The following RUNX1T1 variants were observed in gnomAD, a reference collection of about 807,000 sequenced individuals.
RUNX1T1 encodes protein CBFA2T1.
Under a neutral mutation model 62.8 loss-of-function variants are expected in RUNX1T1, and 4 were observed. The observed-to-expected ratio is 0.06, with a 90% CI of 0.03 to 0.15. The LOEUF is 0.15. RUNX1T1 is among the 10% of genes least tolerant of loss of function. The probability of loss-of-function intolerance (pLI) is 1.00; values close to 1 mark genes in which losing one functional copy is unlikely to be tolerated. For synonymous variants in RUNX1T1, 291 were observed against 286.0 expected (o/e 1.02, Z -0.18); for missense variants, 508 against 754.3 (o/e 0.67, Z 3.82).
intron 1 of RUNX1T1, among the ~76,000 whole-genome samples, chr8:92,024,497 CAA>C (rs34547904): frequency 2.3e-4 from 4 of 17,532 alleles, no homozygotes; most frequent in Non-Finnish European, 3.4e-4. Context: ...AACCCCAACT[CAA>C]AAAAAAAAAA....
At chr8:92,019,653 A>C (rs1210341186) in intron 1 of RUNX1T1, among the ~76,000 whole-genome samples, 2 of 152,070 alleles carry the variant, frequency 1.3e-5, no homozygotes, top group Non-Finnish European at 1.5e-5. Context: ...TTTGAAGGCT[A>C]TTTTTCTTTC....
At chr8:92,090,337 G>C (rs1836797465) in intron 1 of RUNX1T1, among the ~76,000 whole-genome samples, 2 of 152,044 alleles carry the variant, frequency 1.3e-5, no homozygotes, top group African/African-American at 4.8e-5. Context: ...ACTGGGAAAT[G>C]CTGAGATCAA....
chr8:92,045,518 G>C (rs1248333224), intron 1 of RUNX1T1, among the ~76,000 whole-genome samples: 2 of 152,078 alleles, frequency 1.3e-5, no homozygotes, highest in Non-Finnish European at 2.9e-5. Flanking sequence ...AATTACGCAG[G>C]CTCAAAATTC....
intron 2 of RUNX1T1, among the ~76,000 whole-genome samples, chr8:92,015,827 T>C (rs1822879090): frequency 6.6e-6 from 1 of 152,226 alleles, no homozygotes; most frequent in South Asian, 2.1e-4. Flanking sequence ...TTGTCACAAC[T>C]GAGTATCATA....
exon 11 of RUNX1T1, chr8:91,959,514 A>C (rs1810007391): frequency 5.3e-6 from 1 of 187,650 alleles, no homozygotes; most frequent in Non-Finnish European, 1.1e-5. Flanking sequence ...ATATATATAT[A>C]TGGAGCCTTT....
intron 4 of RUNX1T1, 104 bp from the exon 6 acceptor site, chr8:92,005,401 A>G: frequency 1.0e-6 from 1 of 975,252 alleles, no homozygotes; most frequent in Non-Finnish European, 1.5e-6. Flanking sequence ...CAATGCAGCT[A>G]CATCAAAGGT....
At chr8:91,974,624 G>A (rs1285955909) in intron 9 of RUNX1T1, among the ~76,000 whole-genome samples, 2 of 152,082 alleles carry the variant, frequency 1.3e-5, no homozygotes, top group Non-Finnish European at 2.9e-5. Flanking sequence ...GTCTTTTCAG[G>A]TAGGTGGTAC....
At chr8:92,021,702 GA>G (rs1253706917) in intron 1 of RUNX1T1, among the ~76,000 whole-genome samples, 2 of 152,022 alleles carry the variant, frequency 1.3e-5, no homozygotes, top group Non-Finnish European at 2.9e-5. Context: ...GGAATGTGGT[GA>G]AATTGAATGA....
intron 1 of RUNX1T1, among the ~76,000 whole-genome samples, chr8:92,050,564 C>T (rs1385668053): frequency 3.3e-5 from 5 of 152,276 alleles, no homozygotes; most frequent in African/African-American, 1.2e-4. Flanking sequence ...GAAACATACG[C>T]TAAATAACTG....
At chr8:92,081,529 T>C (rs1034220095) in intron 1 of RUNX1T1, among the ~76,000 whole-genome samples, 1 of 151,352 alleles carries the variant, frequency 6.6e-6, no homozygotes, top group Non-Finnish European at 1.5e-5. Flanking sequence ...TAAACTGATG[T>C]TTGGTAGTTT....
chr8:92,041,353 G>T (rs13251018), intron 1 of RUNX1T1, among the ~76,000 whole-genome samples: 37,947 of 152,102 alleles, frequency 0.25, 5,208 homozygotes, highest in African/African-American at 0.37. Flanking sequence ...CACAAAGGCC[G>T]GGGCTTTGTT....
At chr8:92,035,214 G>A (rs1441391112) in intron 1 of RUNX1T1, among the ~76,000 whole-genome samples, 1 of 151,498 alleles carries the variant, frequency 6.6e-6, no homozygotes, top group Non-Finnish European at 1.5e-5. Flanking sequence ...AGAATCGCTT[G>A]AACCCGGGAA....
At chr8:91,970,538 C>A in intron 10 of RUNX1T1, 120 bp downstream of exon 11, 1 of 881,076 alleles carries the variant, frequency 1.1e-6, no homozygotes, top group Non-Finnish European at 1.6e-6. Flanking sequence ...CTTGACTTTC[C>A]CCACACTGTT....
chr8:92,090,291 T>C (rs1236307593), intron 1 of RUNX1T1, among the ~76,000 whole-genome samples: 2 of 152,074 alleles, frequency 1.3e-5, no homozygotes, highest in Non-Finnish European at 2.9e-5. Context: ...CCTCTAACCT[T>C]ATCTTAAGAG....
chr8:91,991,476 T>C (rs1817664966), intron 6 of RUNX1T1, among the ~76,000 whole-genome samples, 163 bp downstream of exon 7: 1 of 152,154 alleles, frequency 6.6e-6, no homozygotes, highest in Non-Finnish European at 1.5e-5. Context: ...TAAAAGTCTA[T>C]TAATACCAAT....
intron 5 of RUNX1T1, among the ~76,000 whole-genome samples, chr8:91,992,782 C>T (rs1379421615): frequency 2.6e-5 from 4 of 152,100 alleles, no homozygotes; most frequent in Admixed American, 1.3e-4. Context: ...AACACCCTGA[C>T]GACACACCAT....
At chr8:91,964,430 G>T (rs998574381) in intron 10 of RUNX1T1, among the ~76,000 whole-genome samples, 3 of 152,154 alleles carry the variant, frequency 2.0e-5, no homozygotes, top group African/African-American at 7.2e-5. Context: ...TAGAATGATT[G>T]TAATTGAAAC....
intron 9 of RUNX1T1, among the ~76,000 whole-genome samples, chr8:91,974,993 CCT>C (rs1195050552): frequency 2.0e-5 from 3 of 152,174 alleles, no homozygotes; most frequent in East Asian, 1.9e-4. Flanking sequence ...AAATCTGTCC[CCT>C]GACTCTTCAA....
intron 8 of RUNX1T1, among the ~76,000 whole-genome samples, chr8:91,981,043 A>G (rs1277673861): frequency 6.6e-6 from 1 of 152,186 alleles, no homozygotes; most frequent in Non-Finnish European, 1.5e-5. Context: ...TGTGTCAGGC[A>G]CTGTCTCATA....
Sources: allele counts gnomAD v4.1 joint callset (sites outside exome capture counted in the v4.1 genomes callset), GRCh38; gene constraint gnomAD v4.1.1; transcripts MANE v1.5; gene names NCBI Gene and HGNC (gene_info 2026-07-23, HGNC 2026-07-21).